CAPN15: variants seen among roughly 807,000 people sequenced by gnomAD.
CAPN15 encodes the protein calpain-15.
CAPN15 carries 53 observed loss-of-function variants against 97.9 expected under a neutral mutation model. The observed-to-expected ratio is 0.54, with a 90% CI of 0.43 to 0.68. The LOEUF (loss-of-function observed/expected upper bound fraction) is 0.68, where lower values mean the gene tolerates loss of function less well. Among genes scored for constraint, CAPN15 ranks in the 30% least tolerant of loss-of-function variants. The probability of loss-of-function intolerance (pLI) is 0.00; values close to 1 mark genes in which losing one functional copy is unlikely to be tolerated. For missense variants in CAPN15, 1,592 were observed against 1,589.8 expected, an observed-to-expected ratio of 1.00 and a Z score of -0.02; for synonymous variants, 922 against 722.5, an observed-to-expected ratio of 1.28 and a Z score of -4.43.
chr16:531,098 G>A (rs777650621), intron 1 of CAPN15, among the ~76,000 whole-genome samples: 8 of 152,278 alleles, frequency 5.3e-5, no homozygotes, highest in Non-Finnish European at 1.2e-4. Flanking sequence ...TGACTGCAGC[G>A]TCTGCTCCTC....
Position 546,905 on chromosome 16 carries a change from T to G in CAPN15, c.67T>G (p.Cys23Gly). 6.2e-7 allele frequency: 1 copy of G among 1,611,460 alleles called. No homozygotes were observed. Among genetic ancestry groups the G allele is most frequent in the Non-Finnish European group, 8.5e-7 (1 of 1,179,852 alleles). The change falls in exon 4 of 14, where the codon TGC becomes GGC. Residue 23 changes from cysteine (C) to glycine (G), a missense_variant. By Grantham distance (159) the Cys-to-Gly change is radical (BLOSUM62 -3). Coordinates refer to ENST00000219611, the MANE Select transcript of CAPN15 (RefSeq NM_005632.3). ...CCTGAACCCGGCCGGCCAGCGCCAG[T>G]GCTCCATCTGCGAGGCTCCCCGGCA... ...TFLNPAGQRQ[C>G]SICEAPRHKP...
At chr16:544,170 C>G (rs2034365928) in intron 3 of CAPN15, among the ~76,000 whole-genome samples, 1 of 152,162 alleles carries the variant, frequency 6.6e-6, no homozygotes, top group Non-Finnish European at 1.5e-5. Context: ...TGCAGCCCAG[C>G]TCGAGGGAGG....
At position 547,232 on chromosome 16, in the gene CAPN15, G is replaced by GAGGAGC; in HGVS notation, c.400_405dup (p.Gln134_Glu135dup). On this transcript the variant is annotated inframe_insertion, in exon 4 of 14. Transcript: ENST00000219611. Reference sequence around the variant, plus strand: ...CGAGGACAAGGACGAGGAGGAGAAGGAGGAGCAGGAGGAGGAGGAGGGAGC... The same window carrying GAGGAGC: ...CGAGGACAAGGACGAGGAGGAGAAGGAGGAGCAGGAGCAGGAGGAGGAGGAGGGAGC... The GAGGAGC allele has an allele frequency of 6.6e-7, 1 of 1,517,990 alleles. No individual in the cohort carries two copies. The allele number at this position is 1,517,990 out of a possible 1,614,324, so 94.0% of individuals were successfully genotyped here. A position where few individuals can be genotyped will look rare whatever the true frequency, so the allele number is the denominator to read the frequency against.
intron 3 of CAPN15, among the ~76,000 whole-genome samples, chr16:542,915 G>A (rs1483931007): frequency 1.3e-5 from 2 of 152,174 alleles, no homozygotes; most frequent in Non-Finnish European, 2.9e-5. Context: ...GCTGGGCGTG[G>A]TGACGGGCAC....
At position 547,305 on chromosome 16, in the gene CAPN15, A is replaced by G; in HGVS notation, c.467A>G (p.Asn156Ser). 1 of 1,524,872 alleles carries G rather than the reference A, an allele frequency of 6.6e-7. No homozygotes were observed. Among genetic ancestry groups the G allele is most frequent in the Non-Finnish European group, 8.8e-7 (1 of 1,141,018 alleles). 94.5% of individuals were successfully genotyped at this position (1,524,872 alleles called of 1,614,324 possible). A position where few individuals can be genotyped will look rare whatever the true frequency, so the allele number is the denominator to read the frequency against. ...GCGTGTCCGCGTTGCACGCTGCACA[A>G]CACGCCCGTGGCCAGCTCCTGCTCC... ...GWACPRCTLH[N>S]TPVASSCSVC... The change falls in exon 4 of 14, where the codon AAC becomes AGC. Residue 156 changes from asparagine to serine, a missense_variant. Coordinates refer to ENST00000219611, the MANE Select transcript of CAPN15 (RefSeq NM_005632.3).
rs2035063597 is a variant in CAPN15, at chr16:551,294, C to T, written c.2067-8C>T. ...GTCCCGGTCGGTGAGGGCCGCTCTG[C>T]CACACAGGTTCCTCATGGGTGCCTC... On this transcript the variant is annotated splice_polypyrimidine_tract_variant and splice_region_variant and intron_variant, in intron 7 of 13. Transcript: ENST00000219611. 1 of 1,590,828 alleles carries T rather than the reference C, an allele frequency of 6.3e-7. No homozygotes were observed. Among genetic ancestry groups the T allele is most frequent in the African/African-American group, 1.4e-5 (1 of 74,038 alleles).
intron 9 of CAPN15, 47 bp downstream of exon 9, chr16:551,711 G>A (rs746054491): frequency 9.5e-6 from 15 of 1,577,170 alleles, no homozygotes; most frequent in Non-Finnish European, 1.3e-5. Flanking sequence ...GCCCTCCTAG[G>A]GCCGAGTCCT....
intron 1 of CAPN15, chr16:528,860 T>A (rs940781432): frequency 5.7e-6 from 4 of 695,706 alleles, no homozygotes; most frequent in Non-Finnish European, 7.1e-6. Context: ...GATCTCTTCC[T>A]CTGCCCAGGT....
In CAPN15 at chr16:548,222, C is replaced by T. The variant is rs1458886277; in HGVS notation, c.1384C>T (p.Arg462Trp). 6.5e-7 allele frequency: 1 copy of T among 1,549,466 alleles called. No homozygotes were observed. Among genetic ancestry groups the T allele is most frequent in the Non-Finnish European group, 8.7e-7 (1 of 1,148,770 alleles). The part of the protein sequence containing the change: ...RRRESMHVEQ[R>W]RQTDEGEAKA... ...CAGGGAGAGCATGCACGTGGAGCAG[C>T]GGCGGCAGACAGACGAGGGCGAGGC... The change falls in exon 4 of 14, where the codon CGG becomes TGG. Residue 462 changes from arginine (R) to tryptophan (W), a missense_variant. Around this residue, in one of 3 missense-constraint regions of CAPN15, gnomAD observed 883 missense variants for 776.6 expected, o/e 1.14. Transcript: ENST00000219611.
At chr16:541,435 C>T (rs879376725) in intron 3 of CAPN15, among the ~76,000 whole-genome samples, 10 of 152,130 alleles carry the variant, frequency 6.6e-5, no homozygotes, top group African/African-American at 1.2e-4. Flanking sequence ...GACAGAGAGA[C>T]GCGGCAAAGG....
chr16:552,887 T>C lies in CAPN15; in HGVS notation c.2929T>C (p.Tyr977His). Residue 977 changes from tyrosine to histidine, a missense_variant, in exon 13 of 14, where the codon TAC becomes CAC. Tyr to His is a moderately conservative substitution (Grantham distance 83). Transcript: ENST00000219611. The surrounding 1 kb of genome is among the most constrained non-coding windows in gnomAD (Gnocchi z 6.4). Reference sequence around the variant, plus strand: ...GGGCCGTGAGGGCATGACCTGCTACTACCTGACACACGGTTGGGCGGGGCT... The same window carrying C: ...GGGCCGTGAGGGCATGACCTGCTACCACCTGACACACGGTTGGGCGGGGCT... ...HEGREGMTCY[Y>H]LTHGWAGLIV... 6.3e-7 allele frequency: 1 copy of C among 1,594,122 alleles called. No homozygotes were observed. Among genetic ancestry groups the C allele is most frequent in the Non-Finnish European group, 8.6e-7 (1 of 1,168,412 alleles).
chr16:540,663 C>G (rs1018130873), intron 3 of CAPN15, among the ~76,000 whole-genome samples: 1 of 152,218 alleles, frequency 6.6e-6, no homozygotes. Context: ...TCTTTTTGGG[C>G]TGGGGTCGCT....
chr16:540,429 C>T (rs1462458187), intron 3 of CAPN15: 1 of 851,628 alleles, frequency 1.2e-6, no homozygotes, highest in Non-Finnish European at 1.4e-6. Flanking sequence ...GCCTCGTTCT[C>T]AGGGTGCCCC....
At chr16:545,935 C>T (rs1596344365) in intron 3 of CAPN15, among the ~76,000 whole-genome samples, 1 of 152,266 alleles carries the variant, frequency 6.6e-6, no homozygotes, top group South Asian at 2.1e-4. Flanking sequence ...TGCATCCATG[C>T]CCTTCTCCGA....
chr16:553,283 C>G, intron 13 of CAPN15, 56 bp from the exon 14 acceptor site: 1 of 1,310,932 alleles, frequency 7.6e-7, no homozygotes, highest in Non-Finnish European at 1.1e-6. Context: ...GTGGGCACAG[C>G]CCTGCCCCCA....
chr16:540,313 G>A (rs973177549), intron 3 of CAPN15: 40 of 985,492 alleles, frequency 4.1e-5, no homozygotes, highest in Middle Eastern at 5.2e-4. Flanking sequence ...AGGGGGGCCC[G>A]TCTGGGGAGG....
chr16:534,885 T>C (rs1367449283), intron 2 of CAPN15, among the ~76,000 whole-genome samples: 1 of 151,912 alleles, frequency 6.6e-6, no homozygotes, highest in Non-Finnish European at 1.5e-5. Flanking sequence ...GATGGCTCTG[T>C]GAAAGATTGA....
At position 547,649 on chromosome 16, in the gene CAPN15, T is replaced by A; in HGVS notation, c.811T>A (p.Cys271Ser). ...EAAQPSPSAGCRGAPQGSGWA... is the reference protein window; with the variant it reads ...EAAQPSPSAGSRGAPQGSGWA... ...TGCCCAGCCGTCACCCTCTGCCGGCTGCAGGGGAGCCCCCCAGGGCTCGGG... is the reference window on the plus strand; with the variant it reads ...TGCCCAGCCGTCACCCTCTGCCGGCAGCAGGGGAGCCCCCCAGGGCTCGGG... Residue 271 changes from cysteine (C) to serine (S), a missense_variant, in exon 4 of 14, where the codon TGC becomes AGC. Physicochemically the swap from Cys to Ser is moderately radical, Grantham distance 112. Transcript: ENST00000219611. 6.4e-7 allele frequency: 1 copy of A among 1,572,124 alleles called. No homozygotes were observed. The highest frequency in any genetic ancestry group is 8.6e-7 in the Non-Finnish European group (1 of 1,159,272).
chr16:547,744 C>T lies in CAPN15; in HGVS notation c.906C>T (p.Ala302=). The change falls in exon 4 of 14, where the codon GCC becomes GCT. Residue 302 remains alanine, a synonymous_variant. Transcript: ENST00000219611. ...GGCTGAGTGTGCTGGAGGAAGAGGC[C>T]ACGGAGGGTGGCACCAGCCGCGTAG... is the stretch of plus-strand genomic sequence containing the variant. ...GKRLSVLEEE[A]TEGGTSRVEA... 2 of 1,606,674 alleles carry T rather than the reference C, an allele frequency of 1.2e-6. No homozygotes were observed. Among genetic ancestry groups the T allele is most frequent in the South Asian group, 1.1e-5 (1 of 90,576 alleles).
Sources: allele counts gnomAD v4.1 joint callset (sites outside exome capture counted in the v4.1 genomes callset), GRCh38; gene constraint gnomAD v4.1.1; regional missense constraint gnomAD v4.1.1; non-coding constraint Gnocchi (gnomAD v3.1); transcripts MANE v1.5; gene names NCBI Gene and HGNC (gene_info 2026-07-23, HGNC 2026-07-21).